Variants in GNAQ observed in about 807,000 individuals in gnomAD.
GNAQ encodes the protein G protein subunit alpha q.
GNAQ carries 8 observed loss-of-function variants against 43.9 expected under a neutral mutation model. The observed-to-expected ratio is 0.18, with a 90% CI of 0.11 to 0.33. The LOEUF (loss-of-function observed/expected upper bound fraction) is 0.33, where lower values mean the gene tolerates loss of function less well. Among genes scored for constraint, GNAQ ranks in the 10% least tolerant of loss-of-function variants. GNAQ has a pLI of 1.00. For missense variants in GNAQ, 158 were observed against 450.8 expected (o/e 0.35, Z 5.88); for synonymous variants, 155 against 170.7 (o/e 0.91, Z 0.71).
chr9:77,718,702 T>C lies in GNAQ; in HGVS notation c.*2621A>G, dbSNP rs965627682. 4.9e-5 allele frequency: 11 copies of C among 225,088 alleles called. No individual in the cohort carries two copies. The highest frequency in any genetic ancestry group is 2.3e-4 in the Admixed American group (4 of 17,176). 13.9% of individuals were successfully genotyped at this position (225,088 alleles called of 1,614,324 possible). On this transcript the variant is annotated 3_prime_UTR_variant, in exon 7 of 7. Coordinates refer to ENST00000286548, the MANE Select transcript of GNAQ (RefSeq NM_002072.5). The stretch of plus-strand genomic sequence containing the variant: ...GATGAGGTTTTCTCTATACACACTG[T>C]AGGCCTTCAAATGTTGTTGTTTAAT...
chr9:77,756,893 G>T (rs561002685), intron 5 of GNAQ, among the ~76,000 whole-genome samples: 1 of 152,230 alleles, frequency 6.6e-6, no homozygotes, highest in South Asian at 2.1e-4. Context: ...TTGTTCCCAT[G>T]AGACCTATCC....
At chr9:77,753,289 G>GCA (rs1024954609) in intron 5 of GNAQ, among the ~76,000 whole-genome samples, 2 of 151,568 alleles carry the variant, frequency 1.3e-5, no homozygotes, top group South Asian at 2.1e-4. Flanking sequence ...GTGCGCACGC[G>GCA]CACACACACA....
chr9:77,901,891 T>C (rs1055287558), intron 2 of GNAQ, among the ~76,000 whole-genome samples: 1 of 152,240 alleles, frequency 6.6e-6, no homozygotes, highest in African/African-American at 2.4e-5. Context: ...TGGCAGCTTC[T>C]TGCTGTGTCC....
chr9:77,872,754 T>C lies in GNAQ; in HGVS notation c.321+49407A>G, dbSNP rs141018266. On this transcript the variant is annotated intron_variant, in intron 2 of 6. Coordinates refer to ENST00000286548, the MANE Select transcript of GNAQ (RefSeq NM_002072.5). ...ACTCTCAGGGTTTCTGACTCCTGTT[T>C]CTGTATTTTTAATAGCATACCAGCC... is the stretch of plus-strand genomic sequence containing the variant. Among the ~76,000 whole-genome samples the C allele has an allele frequency of 7.2e-5, 11 of 152,290 alleles. 1 individual carries two copies. In the East Asian group the frequency reaches 2.1e-3, roughly 29 times the overall value.
At chr9:77,889,147 G>T (rs1360950228) in intron 2 of GNAQ, among the ~76,000 whole-genome samples, 4 of 151,828 alleles carry the variant, frequency 2.6e-5, no homozygotes, top group African/African-American at 9.7e-5. Context: ...GGGCATGTTG[G>T]CTCACACCTG....
intron 1 of GNAQ, among the ~76,000 whole-genome samples, chr9:77,977,023 C>G (rs529508958): frequency 6.6e-6 from 1 of 152,312 alleles, no homozygotes; most frequent in African/African-American, 2.4e-5. Flanking sequence ...AAATCTGCAG[C>G]TACAATTATT....
chr9:77,800,183 G>C (rs936964829), intron 3 of GNAQ, among the ~76,000 whole-genome samples: 3 of 151,838 alleles, frequency 2.0e-5, no homozygotes, highest in African/African-American at 4.8e-5. Flanking sequence ...CAGGGATCTA[G>C]AACTAGAAAT....
chr9:77,850,848 G>A (rs1827664219), intron 2 of GNAQ, among the ~76,000 whole-genome samples: 1 of 151,998 alleles, frequency 6.6e-6, no homozygotes, highest in Non-Finnish European at 1.5e-5. Context: ...ACCCTCGCCT[G>A]CCTCTTCCCA....
At chr9:77,817,603 C>G (rs1247039931) in intron 2 of GNAQ, among the ~76,000 whole-genome samples, 1 of 152,140 alleles carries the variant, frequency 6.6e-6, no homozygotes, top group African/African-American at 2.4e-5. Context: ...CACCAAAGAG[C>G]TCATCTAGCC....
Position 77,717,653 on chromosome 9 carries a change from AG to A in GNAQ, c.*3669del, listed in dbSNP as rs1825246695. The A allele has an allele frequency of 4.3e-6, 1 of 232,298 alleles. No individual in the cohort carries two copies. The highest frequency in any genetic ancestry group is 8.5e-6 in the Non-Finnish European group (1 of 117,608). 14.4% of individuals were successfully genotyped at this position (232,298 alleles called of 1,614,324 possible). A position where few individuals can be genotyped will look rare whatever the true frequency, so the allele number is the denominator to read the frequency against. On this transcript the variant is annotated 3_prime_UTR_variant, in exon 7 of 7. Coordinates refer to ENST00000286548, the MANE Select transcript of GNAQ (RefSeq NM_002072.5). The stretch of plus-strand genomic sequence containing the variant: ...TACAGTTCGTACACTTTGACAATCA[AG>A]ATAGTCTGAAGTACAAAAAAGTAAA...
intron 2 of GNAQ, 108 bp from the exon 3 acceptor site, chr9:77,815,878 G>T: frequency 3.0e-6 from 2 of 664,892 alleles, no homozygotes; most frequent in Non-Finnish European, 5.1e-6. Flanking sequence ...TTCATATACT[G>T]GTCTTTACAC....
chr9:77,945,533 T>A (rs1822879839), intron 1 of GNAQ, among the ~76,000 whole-genome samples: 1 of 152,148 alleles, frequency 6.6e-6, no homozygotes, highest in Non-Finnish European at 1.5e-5. Flanking sequence ...AGCCTTCTTA[T>A]TTTGGAAAAT....
intron 2 of GNAQ, among the ~76,000 whole-genome samples, chr9:77,895,239 G>A (rs1378735634): frequency 1.3e-5 from 2 of 151,014 alleles, no homozygotes; most frequent in African/African-American, 2.4e-5. Flanking sequence ...CATCGACTCT[G>A]TGCAAGGCAC....
chr9:77,993,164 T>C (rs987836408), intron 1 of GNAQ, among the ~76,000 whole-genome samples: 1 of 152,174 alleles, frequency 6.6e-6, no homozygotes, highest in Admixed American at 6.5e-5. Flanking sequence ...CAGCTCTAAA[T>C]AGGCTCTAAA....
intron 1 of GNAQ, among the ~76,000 whole-genome samples, chr9:77,953,357 T>C (rs1325219179): frequency 1.3e-5 from 2 of 152,216 alleles, no homozygotes; most frequent in Non-Finnish European, 2.9e-5. Context: ...TTTATGTTAT[T>C]TTCATGTTTA....
intron 2 of GNAQ, among the ~76,000 whole-genome samples, chr9:77,850,308 T>C (rs751792230): frequency 6.6e-6 from 1 of 152,178 alleles, no homozygotes; most frequent in African/African-American, 2.4e-5. Context: ...CCTGGTCTCC[T>C]GCATCCACCA....
intron 4 of GNAQ, 102 bp downstream of exon 4, chr9:77,797,417 AT>A: frequency 1.2e-6 from 1 of 837,106 alleles, no homozygotes; most frequent in Non-Finnish European, 2.0e-6. Flanking sequence ...TATAAAGCCT[AT>A]CTTGTTTTGA....
At chr9:77,791,860 T>G (rs960949032) in intron 5 of GNAQ, among the ~76,000 whole-genome samples, 2 of 152,188 alleles carry the variant, frequency 1.3e-5, no homozygotes, top group African/African-American at 4.8e-5. Flanking sequence ...ATTAAAGTTA[T>G]GAACATCAGA....
chr9:77,841,153 G>T (rs1827483551), intron 2 of GNAQ, among the ~76,000 whole-genome samples: 1 of 52,576 alleles, frequency 1.9e-5, no homozygotes, highest in Admixed American at 2.7e-4. Context: ...CACATACAAA[G>T]AATTTTCGTA....
Sources: allele counts gnomAD v4.1 joint callset (sites outside exome capture counted in the v4.1 genomes callset), GRCh38; gene constraint gnomAD v4.1.1; transcripts MANE v1.5; gene names NCBI Gene and HGNC (gene_info 2026-07-23, HGNC 2026-07-21).